Variants in SH3RF3 observed in about 807,000 individuals in gnomAD.
SH3RF3 encodes SH3 domain containing ring finger 3.
A neutral mutation model predicts 66.3 loss-of-function variants in SH3RF3; 29 were observed. The observed-to-expected ratio is 0.44, with a 90% CI of 0.33 to 0.60. SH3RF3 has a LOEUF of 0.60. SH3RF3 is among the 20% of genes least tolerant of loss of function. The pLI is 0.04. For synonymous variants in SH3RF3, 583 were observed against 532.0 expected (o/e 1.10, Z -1.32); for missense variants, 1,194 against 1,190.9 (o/e 1.00, Z -0.04).
At chr2:109,237,467 A>G (rs1046995990) in intron 1 of SH3RF3, among the ~76,000 whole-genome samples, 2 of 152,250 alleles carry the variant, frequency 1.3e-5, no homozygotes, top group Admixed American at 6.5e-5. Context: ...GGGAACCAGC[A>G]TGATGGATTG....
At chr2:109,196,189 G>T (rs536278821) in intron 1 of SH3RF3, among the ~76,000 whole-genome samples, 4 of 152,346 alleles carry the variant, frequency 2.6e-5, no homozygotes, top group African/African-American at 9.6e-5. Flanking sequence ...GCAGCCTGGA[G>T]GCCTTGTCCA....
chr2:109,444,934 CAAAAA>C (rs1559087136), intron 7 of SH3RF3, among the ~76,000 whole-genome samples: 1 of 151,542 alleles, frequency 6.6e-6, no homozygotes, highest in African/African-American at 2.4e-5. Flanking sequence ...TATACACACA[CAAAAA>C]AGAAAAACAG....
intron 1 of SH3RF3, among the ~76,000 whole-genome samples, chr2:109,319,561 A>T (rs766114977): frequency 1.7e-4 from 26 of 152,366 alleles, no homozygotes; most frequent in Non-Finnish European, 3.4e-4. Flanking sequence ...CACAGGGCTG[A>T]AAACAAGCCC....
At chr2:109,408,204 C>T (rs889866914) in intron 4 of SH3RF3, among the ~76,000 whole-genome samples, 3 of 152,196 alleles carry the variant, frequency 2.0e-5, no homozygotes, top group Non-Finnish European at 4.4e-5. Context: ...TGGGACCCAC[C>T]AGGAGACTAG....
chr2:109,455,161 T>A (rs1404772010), intron 8 of SH3RF3, among the ~76,000 whole-genome samples: 1 of 152,110 alleles, frequency 6.6e-6, no homozygotes, highest in Non-Finnish European at 1.5e-5. Flanking sequence ...GTGCTGACTG[T>A]GGTGGCCTCC....
At chr2:109,292,577 C>T (rs1179409255) in intron 1 of SH3RF3, among the ~76,000 whole-genome samples, 3 of 152,222 alleles carry the variant, frequency 2.0e-5, no homozygotes, top group African/African-American at 7.2e-5. Context: ...CCCCTAGTTT[C>T]ACATTGCATT....
At chr2:109,346,572 G>A (rs1682706973) in intron 1 of SH3RF3, among the ~76,000 whole-genome samples, 1 of 151,974 alleles carries the variant, frequency 6.6e-6, no homozygotes, top group Non-Finnish European at 1.5e-5. Flanking sequence ...CAGTTGAGCA[G>A]GTATTGGCCA....
intron 1 of SH3RF3, among the ~76,000 whole-genome samples, chr2:109,219,195 C>A (rs765910263): frequency 1.3e-5 from 2 of 152,214 alleles, no homozygotes; most frequent in Non-Finnish European, 2.9e-5. Context: ...ATGGGAGGAT[C>A]CTGAACTTGG....
chr2:109,479,790 A>G (rs1000133997), intron 8 of SH3RF3, among the ~76,000 whole-genome samples: 8 of 152,252 alleles, frequency 5.3e-5, no homozygotes, highest in African/African-American at 1.9e-4. Context: ...TTGCAATTCT[A>G]CGGGTTTCGC....
At chr2:109,242,563 G>C (rs182992977) in intron 1 of SH3RF3, among the ~76,000 whole-genome samples, 1 of 152,232 alleles carries the variant, frequency 6.6e-6, no homozygotes, top group Non-Finnish European at 1.5e-5. Flanking sequence ...TGTCTGCACT[G>C]ACCACCGTGC....
At chr2:109,494,756 A>G (rs1244903039) in intron 9 of SH3RF3, among the ~76,000 whole-genome samples, 1 of 152,076 alleles carries the variant, frequency 6.6e-6, no homozygotes, top group Admixed American at 6.5e-5. Context: ...CAAAATGCCA[A>G]GGAGGAATGG....
At chr2:109,227,842 T>C (rs899806747) in intron 1 of SH3RF3, among the ~76,000 whole-genome samples, 1 of 152,220 alleles carries the variant, frequency 6.6e-6, no homozygotes, top group Non-Finnish European at 1.5e-5. Context: ...CAATCTCCCT[T>C]GGCCCTTCGG....
intron 8 of SH3RF3, among the ~76,000 whole-genome samples, chr2:109,484,214 T>A (rs186355146): frequency 6.6e-6 from 1 of 151,990 alleles, no homozygotes; most frequent in Non-Finnish European, 1.5e-5. Flanking sequence ...TTACAGGCGC[T>A]TGCCACCACG....
chr2:109,214,230 T>C (rs1679058092), intron 1 of SH3RF3, among the ~76,000 whole-genome samples: 1 of 152,124 alleles, frequency 6.6e-6, no homozygotes, highest in Admixed American at 6.5e-5. Flanking sequence ...ATGTGGTTTA[T>C]GGGTAAAACC....
chr2:109,489,927 A>G (rs559654072), intron 8 of SH3RF3, among the ~76,000 whole-genome samples: 2 of 152,218 alleles, frequency 1.3e-5, no homozygotes, highest in African/African-American at 4.8e-5. Context: ...TAGTAGAGAC[A>G]GGGTTTCACC....
At chr2:109,230,190 C>A (rs1679472088) in intron 1 of SH3RF3, among the ~76,000 whole-genome samples, 1 of 152,036 alleles carries the variant, frequency 6.6e-6, no homozygotes, top group African/African-American at 2.4e-5. Flanking sequence ...ATTGTTTATC[C>A]ATTCAAATAC....
At chr2:109,233,598 T>A (rs368860276) in intron 1 of SH3RF3, among the ~76,000 whole-genome samples, 2 of 152,356 alleles carry the variant, frequency 1.3e-5, no homozygotes, top group East Asian at 3.8e-4. Context: ...TGTCCAGGCT[T>A]GAGGGTGGGG....
At chr2:109,170,733 G>C (rs1023655031) in intron 1 of SH3RF3, among the ~76,000 whole-genome samples, 1 of 152,202 alleles carries the variant, frequency 6.6e-6, no homozygotes, top group Non-Finnish European at 1.5e-5. Context: ...GTTGGGCATT[G>C]ACCATGTGCC....
chr2:109,251,651 T>TA (rs1680094760), intron 1 of SH3RF3: 9 of 1,373,910 alleles, frequency 6.6e-6, no homozygotes, highest in Non-Finnish European at 9.3e-6. Flanking sequence ...CGAGTATAAA[T>TA]AATGGCTGTT....
Sources: allele counts gnomAD v4.1 joint callset (sites outside exome capture counted in the v4.1 genomes callset), GRCh38; gene constraint gnomAD v4.1.1; transcripts MANE v1.5; gene names NCBI Gene and HGNC (gene_info 2026-07-23, HGNC 2026-07-21).